RBFOX1: variants seen among roughly 807,000 people sequenced by gnomAD.
RBFOX1 encodes the protein RNA binding protein fox-1 homolog 1.
A neutral mutation model predicts 57.7 loss-of-function variants in RBFOX1; 8 were observed. The ratio of observed to expected loss-of-function variants is 0.14; its 90% CI spans 0.08 to 0.25. The LOEUF (loss-of-function observed/expected upper bound fraction) is 0.25. RBFOX1 is among the 10% of genes least tolerant of loss of function. RBFOX1 has a pLI of 1.00. For missense variants in RBFOX1, 611 were observed against 548.5 expected, an observed-to-expected ratio of 1.11 and a Z score of -1.14; for synonymous variants, 326 against 222.4, an observed-to-expected ratio of 1.47 and a Z score of -4.15.
chr16:6,340,433 A>T (rs2084392659), intron 2 of RBFOX1, among the ~76,000 whole-genome samples: 1 of 152,244 alleles, frequency 6.6e-6, no homozygotes, highest in African/African-American at 2.4e-5. Flanking sequence ...AGGAAAGTGA[A>T]GGAATAAAGG....
chr16:7,647,036 G>T (rs1313567058), intron 11 of RBFOX1, among the ~76,000 whole-genome samples: 3 of 152,136 alleles, frequency 2.0e-5, no homozygotes, highest in African/African-American at 4.8e-5. Flanking sequence ...CACATCTTCC[G>T]TTCTAAAATG....
chr16:5,515,498 C>T (rs575991621), intron 2 of RBFOX1, among the ~76,000 whole-genome samples: 2 of 152,268 alleles, frequency 1.3e-5, no homozygotes, highest in Non-Finnish European at 1.5e-5. Flanking sequence ...AAATGGTTCC[C>T]CAGGCACTAA....
At chr16:7,517,179 G>GTGTT (rs2076553920) in intron 4 of RBFOX1, among the ~76,000 whole-genome samples, 1 of 139,838 alleles carries the variant, frequency 7.2e-6, no homozygotes, top group Admixed American at 7.5e-5. Flanking sequence ...GTGTGTGTGT[G>GTGTT]TGTGTGTGTT....
intron 3 of RBFOX1, among the ~76,000 whole-genome samples, chr16:6,794,133 G>C (rs1202628908): frequency 6.6e-6 from 1 of 152,056 alleles, no homozygotes; most frequent in Non-Finnish European, 1.5e-5. Flanking sequence ...CTGTTAAATC[G>C]CTCCTATGCT....
intron 4 of RBFOX1, among the ~76,000 whole-genome samples, chr16:5,989,852 A>ACT (rs1567227198): frequency 9.6e-6 from 1 of 103,810 alleles, no homozygotes; most frequent in Non-Finnish European, 1.9e-5. Flanking sequence ...TAACACACAC[A>ACT]CACACACACA....
intron 2 of RBFOX1, among the ~76,000 whole-genome samples, chr16:6,607,898 T>C (rs1351138930): frequency 2.6e-5 from 4 of 152,182 alleles, no homozygotes; most frequent in Non-Finnish European, 5.9e-5. Context: ...CCTCCTTGTT[T>C]CTGGAGTTGG....
At chr16:7,050,962 C>T (rs773161079) in intron 3 of RBFOX1, among the ~76,000 whole-genome samples, 1 of 152,012 alleles carries the variant, frequency 6.6e-6, no homozygotes, top group Non-Finnish European at 1.5e-5. Flanking sequence ...AGTAAATATT[C>T]TTCCTTTTTT....
intron 1 of RBFOX1, among the ~76,000 whole-genome samples, chr16:6,153,148 T>C (rs1273145378): frequency 6.6e-6 from 1 of 151,656 alleles, no homozygotes; most frequent in African/African-American, 2.4e-5. Flanking sequence ...GAGACTTTGG[T>C]GTACCCATCA....
At chr16:6,242,969 T>C (rs1424643359) in intron 1 of RBFOX1, among the ~76,000 whole-genome samples, 1 of 152,206 alleles carries the variant, frequency 6.6e-6, no homozygotes, top group Non-Finnish European at 1.5e-5. Context: ...CCTTGTTTTG[T>C]TTTCTTTCTA....
chr16:5,652,383 C>T lies in RBFOX1; in HGVS notation c.318+53422C>T, dbSNP rs532790172. Among the ~76,000 whole-genome samples, 22 of 152,298 alleles carry T rather than the reference C, an allele frequency of 1.4e-4. 1 individual carries two copies. The East Asian group carries it at 2.9e-3, about 20-fold the overall frequency. On this transcript the variant is annotated intron_variant, in intron 3 of 19. Transcript: ENST00000641259. Reference sequence around the variant, plus strand: ...TGGAAGTGAATGCAGATCGGTCTGACCCCAAAGCCTGTGCTTTTAACCACT... The same window carrying T: ...TGGAAGTGAATGCAGATCGGTCTGATCCCAAAGCCTGTGCTTTTAACCACT...
At chr16:7,666,861 A>G (rs1417550952) in intron 13 of RBFOX1, among the ~76,000 whole-genome samples, 3 of 152,166 alleles carry the variant, frequency 2.0e-5, no homozygotes, top group Non-Finnish European at 2.9e-5. Flanking sequence ...CACATTCATC[A>G]TGTTTGGGCC....
intron 4 of RBFOX1, among the ~76,000 whole-genome samples, chr16:7,100,813 C>G (rs1163541558): frequency 6.6e-6 from 1 of 152,082 alleles, no homozygotes; most frequent in African/African-American, 2.4e-5. Flanking sequence ...TGAATGCAAA[C>G]TAAAAATGTG....
intron 1 of RBFOX1, among the ~76,000 whole-genome samples, chr16:6,307,622 A>G (rs954205575): frequency 2.6e-4 from 38 of 147,980 alleles, no homozygotes; most frequent in African/African-American, 7.3e-4. Flanking sequence ...AGTTTTAATT[A>G]TATATTTTTA....
intron 1 of RBFOX1, among the ~76,000 whole-genome samples, chr16:5,342,177 C>A (rs949045844): frequency 9.9e-5 from 15 of 152,196 alleles, no homozygotes; most frequent in African/African-American, 3.6e-4. Context: ...TTTCTTCTCA[C>A]ACAGTTGTTT....
chr16:6,196,898 C>T (rs1156400483), intron 1 of RBFOX1, among the ~76,000 whole-genome samples: 1 of 151,978 alleles, frequency 6.6e-6, no homozygotes, highest in Non-Finnish European at 1.5e-5. Context: ...CTGTCCGCTG[C>T]CTACACTGGA....
intron 4 of RBFOX1, among the ~76,000 whole-genome samples, chr16:7,072,606 C>T (rs866827223): frequency 6.6e-6 from 1 of 152,294 alleles, no homozygotes; most frequent in African/African-American, 2.4e-5. Context: ...ACAAGATAAC[C>T]GTTATTCTAG....
chr16:6,755,880 G>A (rs1019694079), intron 3 of RBFOX1, among the ~76,000 whole-genome samples: 1 of 152,092 alleles, frequency 6.6e-6, no homozygotes, highest in African/African-American at 2.4e-5. Context: ...TTTTGAGAAT[G>A]TATTGCTGAA....
At chr16:6,288,725 C>T (rs1252401153) in intron 1 of RBFOX1, among the ~76,000 whole-genome samples, 1 of 152,088 alleles carries the variant, frequency 6.6e-6, no homozygotes, top group Non-Finnish European at 1.5e-5. Flanking sequence ...GCTGGTACAG[C>T]TGAAGCAAGG....
At chr16:7,630,196 A>G (rs112969778) in intron 10 of RBFOX1, among the ~76,000 whole-genome samples, 3,917 of 152,194 alleles carry the variant, frequency 0.026, 179 homozygotes, top group African/African-American at 0.09. Flanking sequence ...AGATGGAAAC[A>G]CTGAGGCACA....
Sources: allele counts gnomAD v4.1 joint callset (sites outside exome capture counted in the v4.1 genomes callset), GRCh38; gene constraint gnomAD v4.1.1; transcripts MANE v1.5; gene names NCBI Gene and HGNC (gene_info 2026-07-23, HGNC 2026-07-21).